DPP10: variants seen among roughly 807,000 people sequenced by gnomAD.
DPP10 encodes the protein inactive dipeptidyl peptidase 10.
Under a neutral mutation model 120.9 loss-of-function variants are expected in DPP10, and 33 were observed. The observed-to-expected ratio is 0.27, with a 90% CI of 0.21 to 0.37. DPP10 has a LOEUF of 0.37. Among genes scored for constraint, DPP10 ranks in the 10% least tolerant of loss-of-function variants. The probability of loss-of-function intolerance (pLI) is 1.00; values close to 1 mark genes in which losing one functional copy is unlikely to be tolerated. For missense variants in DPP10, 816 were observed against 942.8 expected (o/e 0.87, Z 1.76); for synonymous variants, 337 against 326.1 (o/e 1.03, Z -0.36).
At chr2:115,085,177 T>G (rs1177269949) in intron 1 of DPP10, among the ~76,000 whole-genome samples, 1 of 152,224 alleles carries the variant, frequency 6.6e-6, no homozygotes, top group Non-Finnish European at 1.5e-5. Flanking sequence ...ATTTATTATT[T>G]CATTATACTA....
At chr2:114,557,118 G>A (rs183880052) in intron 1 of DPP10, among the ~76,000 whole-genome samples, 1 of 151,480 alleles carries the variant, frequency 6.6e-6, no homozygotes, top group South Asian at 2.1e-4. Flanking sequence ...TAATCATAAA[G>A]AGGTGAGAAA....
intron 1 of DPP10, among the ~76,000 whole-genome samples, chr2:114,665,901 G>A (rs758020388): frequency 6.6e-6 from 1 of 152,156 alleles, no homozygotes; most frequent in Non-Finnish European, 1.5e-5. Flanking sequence ...CCTGGAAAAA[G>A]CAGACTTGCC....
chr2:114,891,295 T>G (rs562671177), intron 1 of DPP10, among the ~76,000 whole-genome samples: 14 of 152,220 alleles, frequency 9.2e-5, no homozygotes, highest in Admixed American at 9.2e-4. Flanking sequence ...AAACGCACCG[T>G]GGGGTCACAG....
intron 7 of DPP10, among the ~76,000 whole-genome samples, chr2:115,715,339 C>CAA (rs546857779): frequency 0.026 from 1,767 of 66,704 alleles, 64 homozygotes; most frequent in South Asian, 0.061. Flanking sequence ...AACTCCGTCT[C>CAA]AAAAAAAAAA....
intron 1 of DPP10, among the ~76,000 whole-genome samples, chr2:114,631,430 G>A (rs945077283): frequency 6.6e-6 from 1 of 152,032 alleles, no homozygotes; most frequent in African/African-American, 2.4e-5. Context: ...GAGAAAATGA[G>A]GAGTTTTTCC....
intron 1 of DPP10, among the ~76,000 whole-genome samples, chr2:115,276,474 A>G (rs1001032251): frequency 6.6e-6 from 1 of 152,136 alleles, no homozygotes; most frequent in African/African-American, 2.4e-5. Context: ...TCTAAATGTG[A>G]GCTATTTCGA....
chr2:114,738,254 C>T (rs1199483274), intron 1 of DPP10, among the ~76,000 whole-genome samples: 1 of 152,158 alleles, frequency 6.6e-6, no homozygotes, highest in Non-Finnish European at 1.5e-5. Context: ...GGAGCCAAAT[C>T]ATATCAGTAC....
In DPP10 at chr2:115,831,499, A is replaced by G. The variant is rs543567770; in HGVS notation, c.1951-4658A>G. ...GTGATCCGCTGGCCTCGGCCTCCCA[A>G]AGTGCTGGGATTACAGGCTTGAGCC... is the stretch of plus-strand genomic sequence containing the variant. On this transcript the variant is annotated intron_variant, in intron 21 of 25. Transcript: ENST00000410059. Among the ~76,000 whole-genome samples, 12 of 152,212 alleles carry G rather than the reference A, an allele frequency of 7.9e-5. No individual in the cohort carries two copies. The East Asian group carries it at 2.3e-3, about 29-fold the overall frequency.
intron 1 of DPP10, among the ~76,000 whole-genome samples, chr2:114,635,148 A>G (rs1309985525): frequency 6.6e-6 from 1 of 151,796 alleles, no homozygotes; most frequent in Non-Finnish European, 1.5e-5. Context: ...TCTGTTTGCA[A>G]TATAAGATAT....
In DPP10 at chr2:115,689,829, AT is replaced by A; in HGVS notation, c.495-5del. ...AGTTTGTTCATGTAAAAATATTCAC[AT>A]TTTTTCAAGGGAAGTTTGGGAGTTA... On this transcript the variant is annotated splice_polypyrimidine_tract_variant and intron_variant, in intron 6 of 25. Transcript: ENST00000410059. 1.9e-6 allele frequency: 3 copies of A among 1,613,742 alleles called. No homozygotes were observed. The highest frequency in any genetic ancestry group is 3.3e-5 in the Admixed American group (2 of 59,864).
chr2:115,072,330 T>C (rs1707433547), intron 1 of DPP10, among the ~76,000 whole-genome samples: 1 of 152,162 alleles, frequency 6.6e-6, no homozygotes, highest in Admixed American at 6.5e-5. Flanking sequence ...TCTTTTTTCT[T>C]AAAAGAAACA....
intron 1 of DPP10, among the ~76,000 whole-genome samples, chr2:114,965,368 C>A (rs1289010186): frequency 6.6e-6 from 1 of 151,954 alleles, no homozygotes; most frequent in African/African-American, 2.4e-5. Context: ...AACTCCTGAC[C>A]TCAGGTGATC....
chr2:115,500,823 C>T (rs1004743032), intron 4 of DPP10, among the ~76,000 whole-genome samples: 7 of 151,992 alleles, frequency 4.6e-5, no homozygotes, highest in East Asian at 1.9e-4. Context: ...CTAACCCTTA[C>T]GGAGAATTTT....
chr2:115,533,633 A>G (rs746329923), intron 5 of DPP10, among the ~76,000 whole-genome samples: 6 of 152,050 alleles, frequency 3.9e-5, no homozygotes, highest in Non-Finnish European at 8.8e-5. Flanking sequence ...ATTCTGGGGG[A>G]GTACATAATC....
intron 1 of DPP10, among the ~76,000 whole-genome samples, chr2:114,650,008 T>TA (rs1231089552): frequency 7.2e-5 from 11 of 152,178 alleles, no homozygotes; most frequent in Non-Finnish European, 1.5e-4. Flanking sequence ...TATTGCACTA[T>TA]TTTTTCAAAA....
intron 1 of DPP10, among the ~76,000 whole-genome samples, chr2:114,848,072 T>A (rs1688678593): frequency 3.9e-5 from 6 of 152,170 alleles, no homozygotes; most frequent in Admixed American, 2.6e-4. Context: ...GAATATGGCC[T>A]TACGCCCAGG....
chr2:115,512,086 CTTTCT>C (rs2077262128), intron 4 of DPP10, among the ~76,000 whole-genome samples: 1 of 151,106 alleles, frequency 6.6e-6, no homozygotes, highest in Admixed American at 6.6e-5. Context: ...GTCTCCCTCC[CTTTCT>C]TTTCTTCTCT....
intron 1 of DPP10, among the ~76,000 whole-genome samples, chr2:115,244,537 T>C (rs1352481217): frequency 6.6e-6 from 1 of 151,818 alleles, no homozygotes; most frequent in Non-Finnish European, 1.5e-5. Flanking sequence ...ATTTCTTAAT[T>C]CTTGAAAGTA....
chr2:115,198,824 A>G (rs1265935589), intron 1 of DPP10, among the ~76,000 whole-genome samples: 2 of 152,182 alleles, frequency 1.3e-5, no homozygotes, highest in East Asian at 1.9e-4. Context: ...ATGTAGAATG[A>G]AGGAAAGCCT....
Sources: gnomAD v4.1 joint callset for allele counts (sites outside exome capture counted in the v4.1 genomes callset) on GRCh38, gnomAD v4.1.1 for gene constraint, MANE v1.5 for transcripts, NCBI Gene and HGNC (gene_info 2026-07-23, HGNC 2026-07-21) for gene names.